The following DNAH14 variants were observed in gnomAD, a reference collection of about 807,000 sequenced individuals.
The protein encoded by DNAH14 is axonemal beta dynein heavy chain 14.
DNAH14 carries 478 observed loss-of-function variants against 520.9 expected under a neutral mutation model. That is an observed-to-expected ratio of 0.92 (90% CI 0.85 to 0.99). The LOEUF (loss-of-function observed/expected upper bound fraction) is 0.99. Among genes scored for constraint, DNAH14 ranks in the 50% least tolerant of loss-of-function variants. The pLI is 0.00. For missense variants in DNAH14, 4,831 were observed against 5,234.5 expected (o/e 0.92, Z 2.38); for synonymous variants, 1,581 against 1,757.2 (o/e 0.90, Z 2.51).
At chr1:225,229,756 G>T (rs1222696451) in intron 41 of DNAH14, among the ~76,000 whole-genome samples, 1 of 151,890 alleles carries the variant, frequency 6.6e-6, no homozygotes, top group Non-Finnish European at 1.5e-5. Context: ...ATCATACACT[G>T]GGGCCTGTCA....
intron 8 of DNAH14, among the ~76,000 whole-genome samples, chr1:224,991,709 C>G (rs12086373): frequency 6.6e-6 from 1 of 151,956 alleles, no homozygotes; most frequent in South Asian, 2.1e-4. Flanking sequence ...CCATCCATGT[C>G]CCTGCAAAGG....
intron 36 of DNAH14, among the ~76,000 whole-genome samples, chr1:225,169,074 C>T (rs758880976): frequency 6.6e-5 from 10 of 152,174 alleles, no homozygotes; most frequent in Non-Finnish European, 1.2e-4. Flanking sequence ...ATCCAACACA[C>T]CTGCAGCTGA....
chr1:225,079,144 G>A lies in DNAH14; in HGVS notation c.2425-63G>A, dbSNP rs1340771648. ...ATATAAGTCAGAGAAATTAAAAAGA[G>A]TAATTAGTCTTCCAAAATGATGAAA... On this transcript the variant is annotated intron_variant, in intron 17 of 85. Transcript: ENST00000682510. The A allele has an allele frequency of 2.4e-5, 33 of 1,365,044 alleles. No individual in the cohort carries two copies. In the Admixed American group the frequency reaches 3.5e-4, roughly 14 times the overall value. 84.6% of individuals were successfully genotyped at this position (1,365,044 alleles called of 1,614,324 possible).
At position 225,043,771 on chromosome 1, in the gene DNAH14, A is replaced by C; in HGVS notation, c.1796A>C (p.Asn599Thr). 1 of 1,468,694 alleles carries C rather than the reference A, an allele frequency of 6.8e-7. No individual in the cohort carries two copies. The highest frequency in any genetic ancestry group is 9.3e-7 in the Non-Finnish European group (1 of 1,075,676). 91.0% of individuals were successfully genotyped at this position (1,468,694 alleles called of 1,614,324 possible). ...ACAGAAATTGAGACTGAGTTTGAGAATAAATACATGTATTATGAGTAAGTA... is the reference window on the plus strand; with the variant it reads ...ACAGAAATTGAGACTGAGTTTGAGACTAAATACATGTATTATGAGTAAGTA... The part of the protein sequence containing the change: ...SDTEIETEFE[N>T]KYMYYEFPEF... The change falls in exon 14 of 86, where the codon AAT becomes ACT. Residue 599 changes from asparagine (N) to threonine (T), a missense_variant. Asn to Thr is a moderately conservative substitution (Grantham distance 65). Transcript: ENST00000682510.
In DNAH14 at chr1:225,076,967, CG is replaced by C. The variant is rs2072363549; in HGVS notation, c.2425-2238del. 2.0e-5 allele frequency among the ~76,000 whole-genome samples: 3 copies of C among 152,100 alleles called. No homozygotes were observed. In the South Asian group the frequency reaches 6.2e-4, roughly 32 times the overall value. On this transcript the variant is annotated intron_variant, in intron 17 of 85. Coordinates refer to ENST00000682510, the MANE Select transcript of DNAH14 (RefSeq NM_001367479.1). ...CCAGCCCCCAACACCCAACAGGCCC[CG>C]GTGTGTGATGTTCCCTGCCCTGTGT... is the stretch of plus-strand genomic sequence containing the variant.
chr1:225,152,078 G>A lies in DNAH14; in HGVS notation c.5009+5G>A, dbSNP rs529938886. On this transcript the variant is annotated splice_donor_5th_base_variant and intron_variant, in intron 32 of 85. Coordinates refer to ENST00000682510, the MANE Select transcript of DNAH14 (RefSeq NM_001367479.1). Reference sequence around the variant, plus strand: ...ATTTATCACCATGAATCCCAGGTAAGTATCAGTAAATCTAGTGGGAATAGA... The same window carrying A: ...ATTTATCACCATGAATCCCAGGTAAATATCAGTAAATCTAGTGGGAATAGA... 6.5e-6 allele frequency: 10 copies of A among 1,547,802 alleles called. No homozygotes were observed. The highest frequency in any genetic ancestry group is 8.7e-6 in the Non-Finnish European group (10 of 1,145,482).
intron 84 of DNAH14, chr1:225,397,170 GGTTTCACC>G (rs2096022930): frequency 6.6e-6 from 1 of 152,188 alleles, no homozygotes; most frequent in Non-Finnish European, 1.5e-5. Flanking sequence ...GTAGAGACGG[GGTTTCACC>G]GTGTTAGCCA....
intron 8 of DNAH14, among the ~76,000 whole-genome samples, chr1:224,997,403 A>C (rs1240948067): frequency 6.6e-6 from 1 of 151,930 alleles, no homozygotes; most frequent in Non-Finnish European, 1.5e-5. Flanking sequence ...AAAGTGAGAT[A>C]ATTTCTCTTA....
At position 225,325,358 on chromosome 1, in the gene DNAH14, G is replaced by A. The variant is rs540899520; in HGVS notation, c.9723+526G>A. Among the ~76,000 whole-genome samples, 29 of 151,846 alleles carry A rather than the reference G, an allele frequency of 1.9e-4. 1 individual carries two copies. The highest frequency in any genetic ancestry group is 3.4e-3 in the Middle Eastern group (1 of 292). ...AAATTAGCTGGGCGTGGTGGCAGGC[G>A]TCTGTAATACCAGCTACTTGGGAGG... is the stretch of plus-strand genomic sequence containing the variant. On this transcript the variant is annotated intron_variant, in intron 64 of 85. Coordinates refer to ENST00000682510, the MANE Select transcript of DNAH14 (RefSeq NM_001367479.1).
Position 225,159,488 on chromosome 1 carries a change from A to G in DNAH14, c.5445+3A>G, listed in dbSNP as rs1347513283. The stretch of plus-strand genomic sequence containing the variant: ...AAGTAAATCAACTTGCCTTGGAGGT[A>G]AAAAGACCTTTGAAAATCATCACCA... On this transcript the variant is annotated splice_donor_region_variant and intron_variant, in intron 35 of 85. Transcript: ENST00000682510. 1.3e-6 allele frequency: 2 copies of G among 1,508,560 alleles called. No individual in the cohort carries two copies. Among genetic ancestry groups the G allele is most frequent in the South Asian group, 2.6e-5 (2 of 76,692 alleles). The allele number at this position is 1,508,560 out of a possible 1,614,324, so 93.4% of individuals were successfully genotyped here.
chr1:225,120,435 C>T (rs1467709222), intron 26 of DNAH14, among the ~76,000 whole-genome samples: 5 of 152,176 alleles, frequency 3.3e-5, no homozygotes, highest in South Asian at 2.1e-4. Flanking sequence ...ACCCCTAAAC[C>T]GTAATTTCTA....
chr1:225,357,477 G>A (rs1468665860), intron 73 of DNAH14, among the ~76,000 whole-genome samples: 1 of 152,052 alleles, frequency 6.6e-6, no homozygotes, highest in Non-Finnish European at 1.5e-5. Flanking sequence ...GATGGTATCG[G>A]GGAAACACCT....
At chr1:225,257,861 T>G (rs1273836788) in intron 44 of DNAH14, 99 bp from the exon 45 acceptor site, 1 of 1,011,058 alleles carries the variant, frequency 9.9e-7, no homozygotes, top group Non-Finnish European at 1.4e-6. Flanking sequence ...TATATACAAT[T>G]AATGAAAATA....
chr1:225,265,387 C>A lies in DNAH14; in HGVS notation c.7410+18C>A, dbSNP rs540272462. ...ACAACCGGGTAAAACACCTCTCATA[C>A]CTGTTCAATAATCTGCTTAGGCTAG... On this transcript the variant is annotated intron_variant, in intron 48 of 85. Transcript: ENST00000682510. The A allele has an allele frequency of 6.5e-5, 98 of 1,513,022 alleles. 1 individual carries two copies. The East Asian group carries it at 2.3e-3, about 36-fold the overall frequency. 93.7% of individuals were successfully genotyped at this position (1,513,022 alleles called of 1,614,324 possible). A position where few individuals can be genotyped will look rare whatever the true frequency, so the allele number is the denominator to read the frequency against.
At chr1:225,150,235 G>T (rs1304933787) in intron 31 of DNAH14, among the ~76,000 whole-genome samples, 1 of 152,156 alleles carries the variant, frequency 6.6e-6, no homozygotes, top group Non-Finnish European at 1.5e-5. Context: ...TGCACCCCAG[G>T]CATAAAGCCT....
At chr1:225,226,560 T>G (rs1379589010) in intron 41 of DNAH14, among the ~76,000 whole-genome samples, 1 of 152,206 alleles carries the variant, frequency 6.6e-6, no homozygotes, top group Non-Finnish European at 1.5e-5. Flanking sequence ...AGCCTCCAGT[T>G]AGGCAATTAT....
chr1:225,017,567 A>G (rs970458944), intron 10 of DNAH14, among the ~76,000 whole-genome samples: 24 of 152,148 alleles, frequency 1.6e-4, no homozygotes, highest in African/African-American at 5.5e-4. Flanking sequence ...CCATTGGAAC[A>G]CTTTTGCTGA....
chr1:224,979,967 G>A (rs2062145343), intron 8 of DNAH14, among the ~76,000 whole-genome samples: 1 of 152,174 alleles, frequency 6.6e-6, no homozygotes, highest in African/African-American at 2.4e-5. Context: ...AAGAGCCCTT[G>A]GGCCCTGAAT....
At chr1:225,327,843 A>G (rs2094710979) in intron 64 of DNAH14, among the ~76,000 whole-genome samples, 1 of 152,096 alleles carries the variant, frequency 6.6e-6, no homozygotes. Context: ...AAAAAGAGAG[A>G]GAGAGAGAAG....
Sources: gnomAD v4.1 joint callset for allele counts (sites outside exome capture counted in the v4.1 genomes callset) on GRCh38, gnomAD v4.1.1 for gene constraint, MANE v1.5 for transcripts, NCBI Gene and HGNC (gene_info 2026-07-23, HGNC 2026-07-21) for gene names.